The following IQSEC1 variants were observed in gnomAD, a reference collection of about 807,000 sequenced individuals.
IQSEC1 encodes the protein IQ motif and Sec7 domain ArfGEF 1, also known as IQ motif and SEC7 domain-containing protein 1.
IQSEC1 carries 31 observed loss-of-function variants against 91.0 expected under a neutral mutation model. The observed-to-expected ratio is 0.34, with a 90% confidence interval of 0.26 to 0.46. IQSEC1 has a LOEUF of 0.46. IQSEC1 is among the 20% of genes least tolerant of loss of function. The probability of loss-of-function intolerance (pLI) is 1.00; values close to 1 mark genes in which losing one functional copy is unlikely to be tolerated. For synonymous variants in IQSEC1, 699 were observed against 662.6 expected, an observed-to-expected ratio of 1.05 and a Z score of -0.84; for missense variants, 1,388 against 1,575.6, an observed-to-expected ratio of 0.88 and a Z score of 2.02.
intron 1 of IQSEC1, among the ~76,000 whole-genome samples, chr3:13,175,884 G>A (rs1693718600): frequency 6.6e-6 from 1 of 152,224 alleles, no homozygotes. Flanking sequence ...CAAGGGCTCT[G>A]CCCCTGTGAC....
In IQSEC1 at chr3:13,193,411, C is replaced by A. The variant is rs1197642919; in HGVS notation, c.273-29278G>T. Among the ~76,000 whole-genome samples the A allele has an allele frequency of 6.6e-6, 1 of 152,170 alleles. No individual in the cohort carries two copies. The highest frequency in any genetic ancestry group is 1.5e-5 in the Non-Finnish European group (1 of 68,030). On this transcript the variant is annotated intron_variant, in intron 1 of 15. Coordinates refer to the IQSEC1 transcript ENST00000648114. The surrounding 1 kb of genome is among the most constrained non-coding windows in gnomAD (Gnocchi z 4.2). Reference sequence around the variant, plus strand: ...CTAGGAAGGTAAAGATCAGAGGTGGCTTGGAAAGAGCTCTCTGGCTACAGA... The same window carrying A: ...CTAGGAAGGTAAAGATCAGAGGTGGATTGGAAAGAGCTCTCTGGCTACAGA...
chr3:13,242,256 C>T (rs1326788901), intron 1 of IQSEC1, among the ~76,000 whole-genome samples: 1 of 152,166 alleles, frequency 6.6e-6, no homozygotes, highest in Non-Finnish European at 1.5e-5. Context: ...TGCGGGTGAG[C>T]TGCTCAGACT....
At chr3:13,142,928 GC>G (rs978395603) in intron 2 of IQSEC1, among the ~76,000 whole-genome samples, 2 of 152,164 alleles carry the variant, frequency 1.3e-5, no homozygotes, top group Non-Finnish European at 2.9e-5. Flanking sequence ...AGCTGCCCCT[GC>G]CTGGGACACT....
At chr3:12,923,704 G>A (rs372488124) in intron 4 of IQSEC1, among the ~76,000 whole-genome samples, 13 of 152,342 alleles carry the variant, frequency 8.5e-5, no homozygotes, top group African/African-American at 3.1e-4. Flanking sequence ...CAGCAGAGAT[G>A]GCAGGCGTAC....
chr3:13,194,730 C>G (rs756044341), intron 1 of IQSEC1, among the ~76,000 whole-genome samples: 24 of 152,140 alleles, frequency 1.6e-4, no homozygotes, highest in Admixed American at 1.4e-3. Flanking sequence ...ATCTGGCAGG[C>G]CTTCCTAACA....
intron 1 of IQSEC1, among the ~76,000 whole-genome samples, chr3:12,947,860 C>A (rs1699284835): frequency 6.6e-6 from 1 of 152,210 alleles, no homozygotes; most frequent in Non-Finnish European, 1.5e-5. Flanking sequence ...AACATGTTTT[C>A]CTGTGATGGA....
intron 1 of IQSEC1, among the ~76,000 whole-genome samples, chr3:13,265,616 C>T (rs969664014): frequency 2.0e-5 from 3 of 152,146 alleles, no homozygotes; most frequent in Admixed American, 6.5e-5. Flanking sequence ...AGGTTACAGG[C>T]TTCTGCAAGC....
chr3:13,273,610 C>T (rs1233984103), intron 1 of IQSEC1, among the ~76,000 whole-genome samples: 1 of 152,186 alleles, frequency 6.6e-6, no homozygotes, highest in Non-Finnish European at 1.5e-5. Flanking sequence ...TGCTCCTGCC[C>T]ATCCCAGCAG....
At chr3:13,261,611 C>T (rs1695388272) in intron 1 of IQSEC1, among the ~76,000 whole-genome samples, 1 of 152,002 alleles carries the variant, frequency 6.6e-6, no homozygotes, top group Admixed American at 6.5e-5. Context: ...CCCCCGTCAT[C>T]ACATGTGCTG....
At chr3:12,901,581 T>A in intron 13 of IQSEC1, 59 bp from the exon 14 acceptor site, 1 of 1,404,774 alleles carries the variant, frequency 7.1e-7, no homozygotes, top group Non-Finnish European at 9.7e-7. Context: ...TAGGTCAGAA[T>A]GATTTTTTTT....
chr3:13,147,612 G>C (rs2124951894), intron 2 of IQSEC1, among the ~76,000 whole-genome samples: 1 of 152,276 alleles, frequency 6.6e-6, no homozygotes, highest in Middle Eastern at 3.4e-3. Context: ...ATTGTGAATT[G>C]TGCTGCAATA....
intron 1 of IQSEC1, among the ~76,000 whole-genome samples, chr3:13,172,758 A>G (rs939993880): frequency 2.6e-5 from 4 of 152,036 alleles, no homozygotes; most frequent in African/African-American, 9.7e-5. Flanking sequence ...TGGCAGCAGG[A>G]CTCCACACCC....
At chr3:13,170,085 T>C (rs1192562876) in intron 1 of IQSEC1, among the ~76,000 whole-genome samples, 1 of 151,998 alleles carries the variant, frequency 6.6e-6, no homozygotes, top group Non-Finnish European at 1.5e-5. Flanking sequence ...GAGAAACAAA[T>C]GGTTTTGTGG....
chr3:13,221,385 G>C (rs1165913687), intron 1 of IQSEC1, among the ~76,000 whole-genome samples: 1 of 152,228 alleles, frequency 6.6e-6, no homozygotes, highest in African/African-American at 2.4e-5. Context: ...GAGCCAGGGA[G>C]AGGTGGAGTT....
chr3:13,281,248 C>T (rs1009985911), intron 1 of IQSEC1, among the ~76,000 whole-genome samples: 1 of 152,138 alleles, frequency 6.6e-6, no homozygotes, highest in Non-Finnish European at 1.5e-5. Context: ...CCCTGTGAGA[C>T]CAGCTCCGGG....
intron 2 of IQSEC1, among the ~76,000 whole-genome samples, chr3:13,084,398 G>C (rs919745092): frequency 3.3e-5 from 5 of 152,156 alleles, no homozygotes; most frequent in Admixed American, 6.5e-5. Context: ...AACATCCCAG[G>C]GGGTAGCCTG....
intron 1 of IQSEC1, among the ~76,000 whole-genome samples, chr3:13,267,884 T>C (rs981639522): frequency 6.6e-6 from 1 of 152,088 alleles, no homozygotes; most frequent in African/African-American, 2.4e-5. Flanking sequence ...CCCAAAGTGC[T>C]AGGATTACAG....
At chr3:12,931,023 C>T (rs1390528498) in intron 3 of IQSEC1, among the ~76,000 whole-genome samples, 1 of 152,188 alleles carries the variant, frequency 6.6e-6, no homozygotes, top group African/African-American at 2.4e-5. Flanking sequence ...CCTGCTCCAC[C>T]AGCTCTGACT....
chr3:13,170,450 A>G (rs1693584766), intron 1 of IQSEC1, among the ~76,000 whole-genome samples: 2 of 152,232 alleles, frequency 1.3e-5, no homozygotes, highest in South Asian at 4.1e-4. Flanking sequence ...GAGCTGTGAG[A>G]AGAAGGCCAC....
Sources: allele counts gnomAD v4.1 joint callset (sites outside exome capture counted in the v4.1 genomes callset), GRCh38; gene constraint gnomAD v4.1.1; non-coding constraint Gnocchi (gnomAD v3.1); transcripts MANE v1.5; gene names NCBI Gene and HGNC (gene_info 2026-07-23, HGNC 2026-07-21).